The following SLC4A10 variants were observed in gnomAD, a reference collection of about 807,000 sequenced individuals.
The protein encoded by SLC4A10 is solute carrier family 4 member 10, also known as sodium-driven chloride bicarbonate exchanger.
Under a neutral mutation model 137.7 loss-of-function variants are expected in SLC4A10, and 42 were observed. The observed-to-expected ratio is 0.30, with a 90% confidence interval of 0.24 to 0.39. The LOEUF (loss-of-function observed/expected upper bound fraction) is 0.39, where lower values mean the gene tolerates loss of function less well. Ranked by LOEUF, SLC4A10 falls within the 10% of genes least tolerant of loss-of-function variation. The pLI is 1.00. For synonymous variants in SLC4A10, 474 were observed against 464.1 expected, an observed-to-expected ratio of 1.02 and a Z score of -0.27; for missense variants, 925 against 1,355.0, an observed-to-expected ratio of 0.68 and a Z score of 4.98.
At chr2:161,896,339 A>C (rs1214439015) in intron 11 of SLC4A10, among the ~76,000 whole-genome samples, 1 of 152,002 alleles carries the variant, frequency 6.6e-6, no homozygotes, top group East Asian at 1.9e-4. Flanking sequence ...GTTTGAAGTC[A>C]GGTAGTGTGA....
intron 1 of SLC4A10, among the ~76,000 whole-genome samples, chr2:161,688,816 A>G (rs2124899208): frequency 6.6e-6 from 1 of 152,268 alleles, no homozygotes; most frequent in South Asian, 2.1e-4. Flanking sequence ...GTCATGTGCC[A>G]TATAACAAAT....
At chr2:161,974,057 ACT>A (rs1485285896) in intron 23 of SLC4A10, among the ~76,000 whole-genome samples, 190 bp from the exon 24 acceptor site, 1 of 152,042 alleles carries the variant, frequency 6.6e-6, no homozygotes, top group Non-Finnish European at 1.5e-5. Flanking sequence ...GTGTTATGAG[ACT>A]CTCATTAATT....
Position 161,644,361 on chromosome 2 carries a change from T to C in SLC4A10, c.48+19795T>C, listed in dbSNP as rs570363308. On this transcript the variant is annotated intron_variant, in intron 1 of 26. Coordinates refer to ENST00000446997, the MANE Select transcript of SLC4A10 (RefSeq NM_001178015.2). The stretch of plus-strand genomic sequence containing the variant: ...AAGTTAAAAAATTAGCCGGGCGTGG[T>C]GGTACGTTGCTGTAGTGCCAGCTAC... Among the ~76,000 whole-genome samples the C allele has an allele frequency of 1.1e-3, 171 of 152,138 alleles. 2 individuals carry two copies. In the South Asian group the frequency reaches 0.02, roughly 18 times the overall value.
At chr2:161,874,250 A>G (rs1366882011) in intron 8 of SLC4A10, among the ~76,000 whole-genome samples, 1 of 152,274 alleles carries the variant, frequency 6.6e-6, no homozygotes, top group Admixed American at 6.5e-5. Flanking sequence ...AACGAGCTGC[A>G]TATTTATGTA....
At chr2:161,713,967 T>C (rs1330038904) in intron 1 of SLC4A10, among the ~76,000 whole-genome samples, 5 of 151,360 alleles carry the variant, frequency 3.3e-5, no homozygotes, top group Non-Finnish European at 7.4e-5. Flanking sequence ...TACATGGTAA[T>C]TGTGAAAAAA....
At chr2:161,819,915 G>C (rs543748262) in intron 3 of SLC4A10, among the ~76,000 whole-genome samples, 5 of 152,186 alleles carry the variant, frequency 3.3e-5, no homozygotes, top group African/African-American at 9.7e-5. Context: ...CTTGAAGTCA[G>C]TGAAAATATG....
At chr2:161,917,308 T>G (rs558184057) in intron 15 of SLC4A10, among the ~76,000 whole-genome samples, 71 of 152,338 alleles carry the variant, frequency 4.7e-4, no homozygotes, top group African/African-American at 1.7e-3. Context: ...GGGGCTATCT[T>G]GCTTCACATG....
At chr2:161,660,742 C>T (rs1179986997) in intron 1 of SLC4A10, among the ~76,000 whole-genome samples, 1 of 151,446 alleles carries the variant, frequency 6.6e-6, no homozygotes, top group Non-Finnish European at 1.5e-5. Flanking sequence ...CAACCTCTGC[C>T]TCACGGGTTC....
chr2:161,667,537 A>G lies in SLC4A10; in HGVS notation c.48+42971A>G, dbSNP rs183112704. Among the ~76,000 whole-genome samples, 72 of 151,828 alleles carry G rather than the reference A, an allele frequency of 4.7e-4. No individual in the cohort carries two copies. The South Asian group carries it at 7.2e-3, about 15-fold the overall frequency. ...GGGTGGGATGGGAAGATACTGTGAC[A>G]TCCATAACGTTTCAGCCATAAGTCC... On this transcript the variant is annotated intron_variant, in intron 1 of 26. Coordinates refer to ENST00000446997, the MANE Select transcript of SLC4A10 (RefSeq NM_001178015.2).
At chr2:161,710,777 A>G (rs146015271) in intron 1 of SLC4A10, 469 of 451,528 alleles carry the variant, frequency 1.0e-3, no homozygotes, top group Non-Finnish European at 1.7e-3. Flanking sequence ...AAACTATTTG[A>G]GTAATTCTTC....
chr2:161,834,771 G>A (rs2125759857), intron 3 of SLC4A10, among the ~76,000 whole-genome samples: 1 of 151,890 alleles, frequency 6.6e-6, no homozygotes, highest in Middle Eastern at 3.4e-3. Context: ...CATTCCATGG[G>A]GTGGATGAAT....
intron 1 of SLC4A10, among the ~76,000 whole-genome samples, chr2:161,732,449 C>T (rs1187505907): frequency 6.6e-6 from 1 of 152,152 alleles, no homozygotes; most frequent in African/African-American, 2.4e-5. Flanking sequence ...AATCCACCCC[C>T]TAGTCTTCAA....
intron 15 of SLC4A10, among the ~76,000 whole-genome samples, chr2:161,936,511 A>C (rs1375910070): frequency 6.6e-6 from 1 of 152,054 alleles, no homozygotes; most frequent in African/African-American, 2.4e-5. Flanking sequence ...ATTCAACCTT[A>C]GTAGGTTATA....
At chr2:161,716,444 A>T (rs1000546412) in intron 1 of SLC4A10, among the ~76,000 whole-genome samples, 2 of 152,060 alleles carry the variant, frequency 1.3e-5, no homozygotes, top group Non-Finnish European at 2.9e-5. Context: ...ATTTTCTTCT[A>T]GGGTTTTTAT....
At chr2:161,762,472 G>A (rs2050354661) in intron 1 of SLC4A10, among the ~76,000 whole-genome samples, 1 of 152,088 alleles carries the variant, frequency 6.6e-6, no homozygotes, top group Non-Finnish European at 1.5e-5. Context: ...TGAAGCAGTT[G>A]AGTCTTTCAT....
chr2:161,743,045 A>C (rs1244291569), intron 1 of SLC4A10, among the ~76,000 whole-genome samples: 1 of 151,810 alleles, frequency 6.6e-6, no homozygotes, highest in African/African-American at 2.4e-5. Context: ...GTTTGCAAAT[A>C]TTTTCTCCCA....
chr2:161,966,972 T>A (rs1697719157), intron 23 of SLC4A10, among the ~76,000 whole-genome samples: 2 of 152,176 alleles, frequency 1.3e-5, no homozygotes, highest in South Asian at 4.1e-4. Context: ...CCCAAGAAGG[T>A]TTAAATTAAT....
At chr2:161,904,681 CA>C (rs1009357101) in intron 13 of SLC4A10, 94 bp from the exon 14 acceptor site, 14 of 1,450,904 alleles carry the variant, frequency 9.6e-6, no homozygotes, top group Non-Finnish European at 1.2e-5. Flanking sequence ...GGGTGAAGCA[CA>C]AAGCACATAT....
chr2:161,813,363 T>C (rs1269954249), intron 3 of SLC4A10, among the ~76,000 whole-genome samples: 1 of 152,118 alleles, frequency 6.6e-6, no homozygotes, highest in Admixed American at 6.6e-5. Flanking sequence ...TGCCCTGTAC[T>C]TCTGCCAGGG....
Sources: gnomAD v4.1 joint callset for allele counts (sites outside exome capture counted in the v4.1 genomes callset) on GRCh38, gnomAD v4.1.1 for gene constraint, MANE v1.5 for transcripts, NCBI Gene and HGNC (gene_info 2026-07-23, HGNC 2026-07-21) for gene names.